Variants in EYS observed in about 807,000 individuals in gnomAD.
EYS encodes the protein EGF-like photoreceptor maintenance factor, also known as protein eyes shut homolog.
EYS carries 250 observed loss-of-function variants against 282.1 expected under a neutral mutation model. The ratio of observed to expected loss-of-function variants is 0.89; its 90% CI spans 0.80 to 0.98. The LOEUF (loss-of-function observed/expected upper bound fraction) is 0.98, where lower values mean the gene tolerates loss of function less well. EYS is among the 50% of genes least tolerant of loss of function. The probability of loss-of-function intolerance (pLI) is 0.00; values close to 1 mark genes in which losing one functional copy is unlikely to be tolerated. For missense variants in EYS, 4,016 were observed against 3,709.0 expected, an observed-to-expected ratio of 1.08 and a Z score of -2.15; for synonymous variants, 1,355 against 1,282.9, an observed-to-expected ratio of 1.06 and a Z score of -1.20.
intron 22 of EYS, among the ~76,000 whole-genome samples, chr6:64,658,547 T>A (rs1768851980): frequency 6.6e-6 from 1 of 152,234 alleles, no homozygotes; most frequent in Non-Finnish European, 1.5e-5. Flanking sequence ...GGATGTCCTT[T>A]CTGTTTGTCA....
intron 22 of EYS, among the ~76,000 whole-genome samples, chr6:64,742,645 C>G (rs535880057): frequency 7.9e-5 from 12 of 152,152 alleles, no homozygotes; most frequent in African/African-American, 1.4e-4. Flanking sequence ...GGTTATGTCC[C>G]TGATGGTAGT....
chr6:65,255,208 A>C (rs1437494139), intron 12 of EYS, among the ~76,000 whole-genome samples: 1 of 151,810 alleles, frequency 6.6e-6, no homozygotes, highest in Non-Finnish European at 1.5e-5. Flanking sequence ...AATAGAGAAC[A>C]CAGAATTAAA....
chr6:64,266,556 T>G (rs905070650), intron 30 of EYS, among the ~76,000 whole-genome samples: 2 of 152,160 alleles, frequency 1.3e-5, no homozygotes, highest in Non-Finnish European at 2.9e-5. Flanking sequence ...ATTTAAGACC[T>G]TATATACCAA....
chr6:64,501,415 ATATTTTATAC>A (rs1777039171), intron 26 of EYS, among the ~76,000 whole-genome samples: 1 of 152,108 alleles, frequency 6.6e-6, no homozygotes, highest in Non-Finnish European at 1.5e-5. Context: ...ATGCAGTTCC[ATATTTTATAC>A]TATTTTAAAT....
chr6:63,763,172 A>T (rs1769691659), intron 40 of EYS, among the ~76,000 whole-genome samples: 1 of 152,044 alleles, frequency 6.6e-6, no homozygotes, highest in Non-Finnish European at 1.5e-5. Flanking sequence ...ATAAAAATGA[A>T]TCTTGACCAA....
At chr6:65,158,111 CA>C (rs1452326430) in intron 12 of EYS, among the ~76,000 whole-genome samples, 1 of 150,778 alleles carries the variant, frequency 6.6e-6, no homozygotes, top group Non-Finnish European at 1.5e-5. Context: ...ACACAATATA[CA>C]TCAAATATTC....
chr6:63,982,970 G>A (rs1348472703), intron 35 of EYS, among the ~76,000 whole-genome samples: 4 of 151,730 alleles, frequency 2.6e-5, no homozygotes, highest in African/African-American at 4.8e-5. Context: ...AGAATTGCAC[G>A]TTCTTCTATG....
chr6:65,197,693 G>C (rs1216468656), intron 12 of EYS, among the ~76,000 whole-genome samples: 1 of 152,064 alleles, frequency 6.6e-6, no homozygotes, highest in East Asian at 1.9e-4. Context: ...TTACTGTACT[G>C]AAAACTATAG....
intron 35 of EYS, among the ~76,000 whole-genome samples, chr6:63,970,159 C>T (rs911500619): frequency 3.3e-5 from 5 of 152,184 alleles, no homozygotes; most frequent in Admixed American, 1.3e-4. Flanking sequence ...GGCCCTGACA[C>T]CTGCAGAATT....
At chr6:65,428,638 G>A (rs981188330) in intron 5 of EYS, among the ~76,000 whole-genome samples, 5 of 151,806 alleles carry the variant, frequency 3.3e-5, no homozygotes, top group Admixed American at 6.6e-5. Context: ...CCACTTCGAC[G>A]CATAAAATTC....
At chr6:64,097,155 C>T (rs546821713) in intron 31 of EYS, among the ~76,000 whole-genome samples, 7 of 152,244 alleles carry the variant, frequency 4.6e-5, no homozygotes, top group African/African-American at 7.2e-5. Flanking sequence ...GATGTCAGTC[C>T]GCCCCTACTG....
At chr6:64,771,524 T>A (rs1198908157) in intron 22 of EYS, among the ~76,000 whole-genome samples, 3 of 151,764 alleles carry the variant, frequency 2.0e-5, no homozygotes, top group Non-Finnish European at 4.4e-5. Flanking sequence ...GTTTACTGCA[T>A]ACATTTCACA....
At chr6:65,211,163 G>A (rs1344977841) in intron 12 of EYS, among the ~76,000 whole-genome samples, 5 of 152,032 alleles carry the variant, frequency 3.3e-5, no homozygotes, top group South Asian at 2.1e-4. Context: ...TGGGAGAATA[G>A]GAGAAGTATT....
chr6:65,073,868 C>A (rs1185610080), intron 12 of EYS, among the ~76,000 whole-genome samples: 1 of 151,700 alleles, frequency 6.6e-6, no homozygotes, highest in Non-Finnish European at 1.5e-5. Flanking sequence ...TTTAAAAATG[C>A]GCACAACTAA....
chr6:64,640,871 C>T (rs1262523843), intron 22 of EYS, among the ~76,000 whole-genome samples: 1 of 152,060 alleles, frequency 6.6e-6, no homozygotes, highest in African/African-American at 2.4e-5. Flanking sequence ...TGGATAAATG[C>T]CATTGGAACA....
chr6:64,257,699 G>A (rs1463289234), intron 30 of EYS, among the ~76,000 whole-genome samples: 1 of 151,910 alleles, frequency 6.6e-6, no homozygotes, highest in African/African-American at 2.4e-5. Context: ...GAAGTGACAT[G>A]TAATTTAACA....
intron 28 of EYS, among the ~76,000 whole-genome samples, chr6:64,415,939 A>G (rs1561982400): frequency 1.3e-5 from 2 of 152,344 alleles, no homozygotes; most frequent in South Asian, 4.1e-4. Context: ...TATAGAAACT[A>G]TCACAGAGAG....
intron 12 of EYS, among the ~76,000 whole-genome samples, chr6:65,099,897 C>T (rs745875804): frequency 6.6e-6 from 1 of 150,586 alleles, no homozygotes; most frequent in Non-Finnish European, 1.5e-5. Flanking sequence ...AAAACTGGAA[C>T]AAATTGATCA....
chr6:64,559,771 A>T (rs182314440), intron 26 of EYS, among the ~76,000 whole-genome samples: 1 of 152,036 alleles, frequency 6.6e-6, no homozygotes, highest in East Asian at 1.9e-4. Context: ...AAAAATTTTC[A>T]TTCCATTCCA....
Sources: gnomAD v4.1 joint callset for allele counts (sites outside exome capture counted in the v4.1 genomes callset) on GRCh38, gnomAD v4.1.1 for gene constraint, MANE v1.5 for transcripts, NCBI Gene and HGNC (gene_info 2026-07-23, HGNC 2026-07-21) for gene names.